The following GLRB variants were observed in gnomAD, a reference collection of about 807,000 sequenced individuals.
The protein encoded by GLRB is glycine receptor beta.
GLRB carries 33 observed loss-of-function variants against 54.2 expected under a neutral mutation model. The ratio of observed to expected loss-of-function variants is 0.61; its 90% CI spans 0.46 to 0.81. The LOEUF is 0.81. Among genes scored for constraint, GLRB ranks in the 40% least tolerant of loss-of-function variants. The pLI is 0.00. For synonymous variants in GLRB, 209 were observed against 208.2 expected (o/e 1.00, Z -0.03); for missense variants, 572 against 584.6 (o/e 0.98, Z 0.22).
intron 4 of GLRB, among the ~76,000 whole-genome samples, chr4:157,123,842 T>C (rs1187352766): frequency 4.6e-5 from 7 of 151,742 alleles, no homozygotes; most frequent in African/African-American, 1.7e-4. Context: ...TATGAAGATA[T>C]TGCGTCTTAT....
At chr4:157,092,171 T>C (rs1734643570) in intron 2 of GLRB, among the ~76,000 whole-genome samples, 1 of 152,196 alleles carries the variant, frequency 6.6e-6, no homozygotes, top group Admixed American at 6.5e-5. Context: ...TTAGGGTAAT[T>C]GAGATAAAAG....
At chr4:157,152,204 A>C (rs1438989381) in intron 8 of GLRB, among the ~76,000 whole-genome samples, 5 of 152,178 alleles carry the variant, frequency 3.3e-5, no homozygotes, top group African/African-American at 1.2e-4. Flanking sequence ...CTCCCTAAAC[A>C]GGAATATTTC....
intron 8 of GLRB, among the ~76,000 whole-genome samples, chr4:157,146,940 G>T (rs1292205373): frequency 2.6e-5 from 4 of 152,140 alleles, no homozygotes; most frequent in Non-Finnish European, 5.9e-5. Flanking sequence ...TTAACTTCAA[G>T]ATTATTTTGG....
At chr4:157,112,480 A>T (rs1239803128) in intron 2 of GLRB, among the ~76,000 whole-genome samples, 1 of 152,038 alleles carries the variant, frequency 6.6e-6, no homozygotes, top group African/African-American at 2.4e-5. Context: ...ATAACTGGTA[A>T]AGCTCCTTAA....
intron 2 of GLRB, chr4:157,084,551 C>CTG (rs1241166617): frequency 4.4e-6 from 2 of 453,204 alleles, no homozygotes; most frequent in African/African-American, 2.0e-5. Flanking sequence ...TATTCTCGTT[C>CTG]TGTGTGTGTG....
At chr4:157,101,571 T>C (rs1735026560) in intron 2 of GLRB, among the ~76,000 whole-genome samples, 2 of 152,134 alleles carry the variant, frequency 1.3e-5, no homozygotes. Context: ...TAAGACTAAT[T>C]CGGATGAGAT....
At chr4:157,112,621 C>G (rs887099120) in intron 2 of GLRB, among the ~76,000 whole-genome samples, 1 of 151,896 alleles carries the variant, frequency 6.6e-6, no homozygotes, top group Non-Finnish European at 1.5e-5. Context: ...CAGGCTTAAA[C>G]ACAGGAACAG....
chr4:157,100,538 T>C (rs530656897), intron 2 of GLRB, among the ~76,000 whole-genome samples: 105 of 152,230 alleles, frequency 6.9e-4, no homozygotes, highest in Non-Finnish European at 9.4e-4. Context: ...TTCTCTAGTA[T>C]TTTCTTGGCT....
intron 4 of GLRB, among the ~76,000 whole-genome samples, chr4:157,131,426 G>A (rs2126554979): frequency 1.3e-5 from 2 of 151,810 alleles, no homozygotes; most frequent in South Asian, 4.2e-4. Flanking sequence ...AACATAATTA[G>A]ACGTTATCCT....
intron 2 of GLRB, among the ~76,000 whole-genome samples, chr4:157,101,784 T>C (rs531499925): frequency 7.7e-6 from 1 of 129,290 alleles, no homozygotes; most frequent in Non-Finnish European, 1.6e-5. Flanking sequence ...CTAGAGTCCA[T>C]AGAGTCAAAC....
At chr4:157,109,118 G>T (rs150186621) in intron 2 of GLRB, among the ~76,000 whole-genome samples, 1 of 152,126 alleles carries the variant, frequency 6.6e-6, no homozygotes, top group Middle Eastern at 3.4e-3. Context: ...CAAAACATTT[G>T]TATGACTAAC....
chr4:157,112,878 C>A (rs1417799499), intron 2 of GLRB, among the ~76,000 whole-genome samples: 2 of 151,896 alleles, frequency 1.3e-5, no homozygotes, highest in Non-Finnish European at 2.9e-5. Context: ...GGAGGGGTGA[C>A]CTTGATGGTG....
chr4:157,103,982 A>G (rs973643910), intron 2 of GLRB, among the ~76,000 whole-genome samples: 2 of 151,744 alleles, frequency 1.3e-5, no homozygotes, highest in African/African-American at 4.8e-5. Context: ...AGTTTCCTTT[A>G]TATAGATTAT....
At chr4:157,094,913 GT>G (rs1437090915) in intron 2 of GLRB, among the ~76,000 whole-genome samples, 7 of 152,236 alleles carry the variant, frequency 4.6e-5, no homozygotes, top group African/African-American at 1.4e-4. Flanking sequence ...GTACAAGAAT[GT>G]TTACAGAAGC....
chr4:157,076,975 G>T (rs867559283), intron 1 of GLRB, among the ~76,000 whole-genome samples: 2 of 64,580 alleles, frequency 3.1e-5, no homozygotes, highest in Non-Finnish European at 5.5e-5. Flanking sequence ...AGAATCCTGG[G>T]GGGGGGGGGG....
intron 2 of GLRB, among the ~76,000 whole-genome samples, chr4:157,114,464 C>T (rs577304975): frequency 2.7e-5 from 4 of 150,550 alleles, no homozygotes; most frequent in African/African-American, 9.8e-5. Flanking sequence ...TTTTATTTTT[C>T]TTTAGTATGG....
At chr4:157,078,340 G>T (rs1734111653) in intron 2 of GLRB, 194 bp downstream of exon 2, 1 of 458,484 alleles carries the variant, frequency 2.2e-6, no homozygotes, top group Admixed American at 6.4e-5. Flanking sequence ...GTTCAAGGTG[G>T]TTTTATAGTT....
At chr4:157,128,374 T>C (rs1413693412) in intron 4 of GLRB, among the ~76,000 whole-genome samples, 1 of 151,854 alleles carries the variant, frequency 6.6e-6, no homozygotes, top group Non-Finnish European at 1.5e-5. Context: ...GTATTAGGCA[T>C]TGTGGAAGGA....
At chr4:157,081,855 G>T in intron 2 of GLRB, among the ~76,000 whole-genome samples, 1 of 152,124 alleles carries the variant, frequency 6.6e-6, no homozygotes, top group East Asian at 1.9e-4. Context: ...ACACCATAGT[G>T]TTCTGGATAA....
Sources: gnomAD v4.1 joint callset for allele counts (sites outside exome capture counted in the v4.1 genomes callset) on GRCh38, gnomAD v4.1.1 for gene constraint, MANE v1.5 for transcripts, NCBI Gene and HGNC (gene_info 2026-07-23, HGNC 2026-07-21) for gene names.